The following SPATA22 variants were observed in gnomAD, a reference collection of about 807,000 sequenced individuals.
SPATA22 encodes spermatogenesis-associated protein 22.
In SPATA22, 29 loss-of-function variants were observed where a neutral mutation model predicts 47.8. The ratio of observed to expected loss-of-function variants is 0.61; its 90% CI spans 0.45 to 0.83. SPATA22 has a LOEUF of 0.83. SPATA22 is among the 40% of genes least tolerant of loss of function. The probability of loss-of-function intolerance (pLI) is 0.00; values close to 1 mark genes in which losing one functional copy is unlikely to be tolerated. For missense variants in SPATA22, 410 were observed against 421.7 expected (o/e 0.97, Z 0.24); for synonymous variants, 133 against 140.9 (o/e 0.94, Z 0.40).
chr17:3,461,143 A>G (rs924827728), intron 5 of SPATA22, among the ~76,000 whole-genome samples: 16 of 152,214 alleles, frequency 1.1e-4, no homozygotes, highest in African/African-American at 2.9e-4. Flanking sequence ...GTAAGTAACA[A>G]ATTTTTGGTA....
At chr17:3,480,811 C>A (rs1192446513) in intron 1 of SPATA22, among the ~76,000 whole-genome samples, 2 of 152,202 alleles carry the variant, frequency 1.3e-5, no homozygotes, top group Non-Finnish European at 1.5e-5. Context: ...TACACCCAGG[C>A]ATGAACAAGG....
chr17:3,445,099 A>T (rs912469361), intron 7 of SPATA22, among the ~76,000 whole-genome samples: 7 of 152,096 alleles, frequency 4.6e-5, no homozygotes, highest in South Asian at 4.1e-4. Flanking sequence ...TAATATTTAT[A>T]TTCTGTAAAT....
upstream of SPATA22, chr17:3,473,951 C>A (rs1205145434): frequency 6.6e-6 from 1 of 152,118 alleles, no homozygotes; most frequent in Non-Finnish European, 1.5e-5. Context: ...GAAAGGGTTT[C>A]ACTTCGTATA....
intron 5 of SPATA22, among the ~76,000 whole-genome samples, chr17:3,457,467 A>T (rs914948759): frequency 1.1e-4 from 16 of 151,992 alleles, no homozygotes; most frequent in Admixed American, 5.3e-4. Flanking sequence ...TTTTCACAGA[A>T]ATAGAAAAAA....
At chr17:3,480,030 G>C (rs1357628569) in intron 1 of SPATA22, among the ~76,000 whole-genome samples, 1 of 110,110 alleles carries the variant, frequency 9.1e-6, no homozygotes, top group Non-Finnish European at 2.1e-5. Flanking sequence ...CAAACTTGTG[G>C]CCTTTTTGGA....
At chr17:3,471,483 G>A (rs2150737486) in intron 1 of SPATA22, 199 bp downstream of exon 1, 2 of 985,350 alleles carry the variant, frequency 2.0e-6, no homozygotes, top group Non-Finnish European at 2.4e-6. Context: ...TGGGGTTGGT[G>A]GCATTGGTGT....
At chr17:3,498,131 A>T (rs2073938128) in intron 1 of SPATA22, among the ~76,000 whole-genome samples, 1 of 152,206 alleles carries the variant, frequency 6.6e-6, no homozygotes, top group Non-Finnish European at 1.5e-5. Flanking sequence ...CCTTGTATGC[A>T]GGTACAACAT....
At chr17:3,511,194 T>C (rs537007638) in intron 1 of SPATA22, 2 of 152,298 alleles carry the variant, frequency 1.3e-5, no homozygotes, top group South Asian at 4.1e-4. Flanking sequence ...GGTGTGGTTT[T>C]GTGCACCCCT....
At chr17:3,448,698 G>GTC (rs1437050521) in intron 6 of SPATA22, 109 bp downstream of exon 6, 1 of 748,810 alleles carries the variant, frequency 1.3e-6, no homozygotes, top group Non-Finnish European at 2.1e-6. Context: ...ATCAAGTAAT[G>GTC]TATGTCATGG....
intron 1 of SPATA22, among the ~76,000 whole-genome samples, chr17:3,477,587 G>A (rs1189452328): frequency 6.6e-6 from 1 of 151,900 alleles, no homozygotes; most frequent in Non-Finnish European, 1.5e-5. Flanking sequence ...CGAGTAGCTG[G>A]GATTACAGGC....
At chr17:3,471,467 T>C (rs2073432989) in intron 1 of SPATA22, 2 of 985,352 alleles carry the variant, frequency 2.0e-6, no homozygotes, top group Middle Eastern at 5.2e-4. Flanking sequence ...TAAGTGGCGT[T>C]AGTAATGGGG....
chr17:3,470,592 T>C (rs1348377713), intron 1 of SPATA22, among the ~76,000 whole-genome samples: 4 of 148,938 alleles, frequency 2.7e-5, no homozygotes, highest in Non-Finnish European at 4.5e-5. Context: ...TACTAAAAAA[T>C]ACAAAAAAAT....
intron 1 of SPATA22, chr17:3,499,183 A>G: frequency 2.2e-6 from 3 of 1,354,480 alleles, no homozygotes; most frequent in South Asian, 1.3e-5. Context: ...TCAACTGCAT[A>G]CATAGCTCCT....
intron 1 of SPATA22, among the ~76,000 whole-genome samples, chr17:3,508,851 GTAAC>G (rs981189900): frequency 1.5e-5 from 2 of 136,412 alleles, no homozygotes; most frequent in Non-Finnish European, 3.0e-5. Context: ...GTATACATAT[GTAAC>G]TAACCTGCAC....
intron 7 of SPATA22, 65 bp downstream of exon 7, chr17:3,446,407 A>G (rs2072727467): frequency 6.7e-7 from 1 of 1,483,248 alleles, no homozygotes; most frequent in Admixed American, 2.3e-5. Context: ...AAAAAGGACT[A>G]ATCAGACATT....
In SPATA22 at chr17:3,499,273, G is replaced by A. The variant is rs1041721728; in HGVS notation, c.-74+14139C>T. 9.5e-6 allele frequency: 5 copies of A among 524,338 alleles called. No individual in the cohort carries two copies. In the African/African-American group the frequency reaches 9.6e-5, roughly 10 times the overall value. The allele number at this position is 524,338 out of a possible 1,614,324, so 32.5% of individuals were successfully genotyped here. A position where few individuals can be genotyped will look rare whatever the true frequency, so the allele number is the denominator to read the frequency against. Reference sequence around the variant, plus strand: ...TATCTTTAAAGATATCATATTTTATGTATGTAGCTTATTCAAAGAAGTGTT... The same window carrying A: ...TATCTTTAAAGATATCATATTTTATATATGTAGCTTATTCAAAGAAGTGTT... On this transcript the variant is annotated intron_variant, in intron 1 of 8. Coordinates refer to the SPATA22 transcript ENST00000541913.
At chr17:3,455,337 T>G (rs1276674220) in intron 5 of SPATA22, among the ~76,000 whole-genome samples, 1 of 152,028 alleles carries the variant, frequency 6.6e-6, no homozygotes, top group South Asian at 2.1e-4. Context: ...TTGTTGCCAT[T>G]GCTTTTGGTG....
chr17:3,449,551 T>G (rs2150702987), intron 5 of SPATA22, among the ~76,000 whole-genome samples: 1 of 152,314 alleles, frequency 6.6e-6, no homozygotes, highest in East Asian at 1.9e-4. Flanking sequence ...ATTTTAAAAT[T>G]TTCTACAAAG....
chr17:3,489,352 A>G, intron 1 of SPATA22: 2 of 1,575,380 alleles, frequency 1.3e-6, no homozygotes, highest in Non-Finnish European at 1.7e-6. Context: ...GGTAAGTAAT[A>G]ATGAAGGTAA....
Sources: gnomAD v4.1 joint callset for allele counts (sites outside exome capture counted in the v4.1 genomes callset) on GRCh38, gnomAD v4.1.1 for gene constraint, MANE v1.5 for transcripts, NCBI Gene and HGNC (gene_info 2026-07-23, HGNC 2026-07-21) for gene names.